LRBA: variants seen among roughly 807,000 people sequenced by gnomAD.
The protein encoded by LRBA is lipopolysaccharide-responsive and beige-like anchor protein.
A neutral mutation model predicts 330.0 loss-of-function variants in LRBA; 176 were observed. That is an observed-to-expected ratio of 0.53 (90% CI 0.47 to 0.60). The LOEUF is 0.60. Ranked by LOEUF, LRBA falls within the 20% of genes least tolerant of loss-of-function variation. LRBA has a pLI of 0.00. For missense variants in LRBA, 3,259 were observed against 3,444.8 expected (o/e 0.95, Z 1.35); for synonymous variants, 1,230 against 1,193.0 (o/e 1.03, Z -0.64).
chr4:150,964,645 A>G (rs1269721655), intron 2 of LRBA, among the ~76,000 whole-genome samples: 1 of 151,592 alleles, frequency 6.6e-6, no homozygotes, highest in Non-Finnish European at 1.5e-5. Flanking sequence ...AAGAGTCATC[A>G]CCACTCCCTA....
rs1453212472 is a variant in LRBA at position 150,373,768 on chromosome 4, G to T, written c.7195-23609C>A. On this transcript the variant is annotated intron_variant, in intron 47 of 56. Transcript: ENST00000651943. ...ATGAGGACATCATTAAATTTTTCTTGATTTTTTTCTTCTCCATTGCATAAT... is the reference window on the plus strand; with the variant it reads ...ATGAGGACATCATTAAATTTTTCTTTATTTTTTTCTTCTCCATTGCATAAT... Among the ~76,000 whole-genome samples, 13 of 151,976 alleles carry T rather than the reference G, an allele frequency of 8.6e-5. No homozygotes were observed. The South Asian group carries it at 2.7e-3, about 32-fold the overall frequency.
intron 46 of LRBA, among the ~76,000 whole-genome samples, chr4:150,432,499 C>G (rs1368088078): frequency 7.9e-6 from 1 of 127,264 alleles, no homozygotes; most frequent in Non-Finnish European, 1.6e-5. Flanking sequence ...TCCCTGTCAC[C>G]CAGGCTGGAG....
intron 37 of LRBA, among the ~76,000 whole-genome samples, chr4:150,650,509 T>G (rs557899146): frequency 6.6e-6 from 1 of 152,034 alleles, no homozygotes; most frequent in Non-Finnish European, 1.5e-5. Flanking sequence ...GAGTAAGGAA[T>G]CTCAAAACTC....
chr4:150,687,641 A>G (rs1783743416), intron 36 of LRBA, among the ~76,000 whole-genome samples: 1 of 152,174 alleles, frequency 6.6e-6, no homozygotes, highest in South Asian at 2.1e-4. Context: ...ATATAGGATA[A>G]ATAAACCTCC....
At chr4:150,516,901 T>A (rs535010897) in intron 40 of LRBA, among the ~76,000 whole-genome samples, 2 of 152,168 alleles carry the variant, frequency 1.3e-5, no homozygotes, top group Admixed American at 6.5e-5. Flanking sequence ...TACATCAACA[T>A]GTAGGGATGG....
intron 37 of LRBA, among the ~76,000 whole-genome samples, chr4:150,636,158 C>CTTTT (rs70941419): frequency 1.8e-5 from 2 of 113,024 alleles, no homozygotes; most frequent in African/African-American, 6.5e-5. Flanking sequence ...ACCTACCAAG[C>CTTTT]TTTTTTTTTT....
At chr4:150,665,370 A>G (rs990627467) in intron 37 of LRBA, among the ~76,000 whole-genome samples, 1 of 152,152 alleles carries the variant, frequency 6.6e-6, no homozygotes, top group Non-Finnish European at 1.5e-5. Context: ...GTAAAGTTCT[A>G]TATCAGTGTA....
chr4:150,363,739 T>A (rs1051067436), intron 47 of LRBA, among the ~76,000 whole-genome samples: 1 of 152,224 alleles, frequency 6.6e-6, no homozygotes, highest in Admixed American at 6.5e-5. Context: ...AGTCTTCCAA[T>A]TTTGTGATCA....
intron 40 of LRBA, among the ~76,000 whole-genome samples, chr4:150,553,133 A>C (rs1387507860): frequency 1.3e-5 from 2 of 152,104 alleles, no homozygotes; most frequent in African/African-American, 4.8e-5. Context: ...AATATTATGC[A>C]GTCATAAAAA....
intron 2 of LRBA, among the ~76,000 whole-genome samples, chr4:150,973,519 CTTG>C (rs1739815752): frequency 6.6e-6 from 1 of 152,138 alleles, no homozygotes; most frequent in African/African-American, 2.4e-5. Context: ...CAAGTCCAAT[CTTG>C]TTCTACATTA....
intron 46 of LRBA, chr4:150,422,560 C>G: frequency 2.0e-6 from 1 of 505,552 alleles, no homozygotes; most frequent in Non-Finnish European, 3.6e-6. Context: ...CTCTGCACCC[C>G]GTCCCTGACC....
At chr4:150,443,848 A>T (rs201218980) in intron 44 of LRBA, among the ~76,000 whole-genome samples, 16 of 3,902 alleles carry the variant, frequency 4.1e-3, no homozygotes, top group Admixed American at 0.038. Flanking sequence ...AAGTATAATT[A>T]AAAAAATATA....
chr4:150,889,863 A>G (rs1729296476), intron 17 of LRBA, among the ~76,000 whole-genome samples: 1 of 152,228 alleles, frequency 6.6e-6, no homozygotes, highest in Non-Finnish European at 1.5e-5. Flanking sequence ...TTATAGCAGG[A>G]AAGTAACCAC....
chr4:150,739,173 A>T (rs565865841), intron 35 of LRBA, among the ~76,000 whole-genome samples: 1 of 152,326 alleles, frequency 6.6e-6, no homozygotes, highest in South Asian at 2.1e-4. Flanking sequence ...TGAACTAGAG[A>T]TACAGAAATT....
At chr4:150,828,922 G>GTGT (rs1560878315) in intron 29 of LRBA, among the ~76,000 whole-genome samples, 10,363 of 106,100 alleles carry the variant, frequency 0.098, 525 homozygotes, top group South Asian at 0.11. Context: ...CTTTTTTGGG[G>GTGT]GTGTGTGTGT....
At chr4:150,717,793 A>C (rs1728435412) in intron 36 of LRBA, among the ~76,000 whole-genome samples, 1 of 151,676 alleles carries the variant, frequency 6.6e-6, no homozygotes, top group Non-Finnish European at 1.5e-5. Flanking sequence ...TTGCAGTTCC[A>C]CTGAAGCTAG....
intron 36 of LRBA, among the ~76,000 whole-genome samples, chr4:150,718,300 C>G (rs1728498124): frequency 6.6e-6 from 1 of 152,118 alleles, no homozygotes; most frequent in African/African-American, 2.4e-5. Context: ...ATAAATGAAA[C>G]AAGTCAGCTA....
At chr4:150,317,181 A>G in intron 50 of LRBA, among the ~76,000 whole-genome samples, 1 of 152,102 alleles carries the variant, frequency 6.6e-6, no homozygotes, top group East Asian at 1.9e-4. Context: ...TCCTTTTGAT[A>G]GTCAAGAAAC....
At chr4:150,475,825 G>A (rs1210442606) in intron 42 of LRBA, among the ~76,000 whole-genome samples, 3 of 151,656 alleles carry the variant, frequency 2.0e-5, no homozygotes, top group Non-Finnish European at 2.9e-5. Flanking sequence ...GGTGGCTTGA[G>A]CCCAGGAGTT....
Sources: allele counts gnomAD v4.1 joint callset (sites outside exome capture counted in the v4.1 genomes callset), GRCh38; gene constraint gnomAD v4.1.1; transcripts MANE v1.5; gene names NCBI Gene and HGNC (gene_info 2026-07-23, HGNC 2026-07-21).